Variants in GNAI1 observed in about 807,000 individuals in gnomAD.
GNAI1 encodes the protein G protein subunit alpha i1, also known as guanine nucleotide-binding protein G(i) subunit alpha-1.
In GNAI1, 11 loss-of-function variants were observed where a neutral mutation model predicts 38.9. The ratio of observed to expected loss-of-function variants is 0.28; its 90% CI spans 0.18 to 0.47. The LOEUF (loss-of-function observed/expected upper bound fraction) is 0.47. Ranked by LOEUF, GNAI1 falls within the 20% of genes least tolerant of loss-of-function variation. GNAI1 has a pLI of 0.99. For synonymous variants in GNAI1, 166 were observed against 145.1 expected (o/e 1.14, Z -1.04); for missense variants, 317 against 436.9 (o/e 0.73, Z 2.45).
chr7:80,216,538 G>C (rs546575702), intron 7 of GNAI1, among the ~76,000 whole-genome samples: 199 of 152,200 alleles, frequency 1.3e-3, no homozygotes, highest in Middle Eastern at 3.4e-3. Context: ...TTTGCATCTA[G>C]CTTCTTTTGC....
chr7:80,150,857 G>A (rs1787712319), intron 1 of GNAI1, among the ~76,000 whole-genome samples: 2 of 152,070 alleles, frequency 1.3e-5, no homozygotes, highest in South Asian at 4.1e-4. Context: ...ATCATCCGCC[G>A]TTTTTCCATT....
At chr7:80,208,641 A>T (rs1788819955) in intron 5 of GNAI1, among the ~76,000 whole-genome samples, 1 of 152,172 alleles carries the variant, frequency 6.6e-6, no homozygotes. Flanking sequence ...GACCATGACC[A>T]TTCTCCACCT....
intron 1 of GNAI1, among the ~76,000 whole-genome samples, chr7:80,145,629 C>T (rs1160548871): frequency 1.3e-5 from 2 of 152,072 alleles, no homozygotes; most frequent in Non-Finnish European, 2.9e-5. Context: ...TATTCTACTT[C>T]TTTATTTTCT....
intron 1 of GNAI1, chr7:80,135,693 C>A (rs1787401409): frequency 6.8e-6 from 2 of 293,106 alleles, no homozygotes; most frequent in Non-Finnish European, 9.6e-6. Context: ...AACCCTTCTT[C>A]GTGTGCGGTG....
In GNAI1 at chr7:80,222,771, G is replaced by A. The variant is rs567304250; in HGVS notation, c.*5278G>A. 1.3e-5 allele frequency among the ~76,000 whole-genome samples: 2 copies of A among 152,266 alleles called. No individual in the cohort carries two copies. The highest frequency in any genetic ancestry group is 1.9e-4 in the East Asian group (1 of 5,180). ...ACAGAGACTATTTTAGCAGATAAGA[G>A]TGCCACTTTTAGTAAAAGAAGTTGT... On this transcript the variant is annotated 3_prime_UTR_variant, in exon 8 of 8. Transcript: ENST00000649796.
At chr7:80,181,978 A>G (rs1322021917) in intron 1 of GNAI1, among the ~76,000 whole-genome samples, 1 of 152,112 alleles carries the variant, frequency 6.6e-6, no homozygotes. Flanking sequence ...GGATCTCTAC[A>G]ACTTATTCAT....
intron 1 of GNAI1, among the ~76,000 whole-genome samples, chr7:80,185,233 G>A (rs1274540836): frequency 6.6e-6 from 1 of 151,064 alleles, no homozygotes; most frequent in East Asian, 1.9e-4. Context: ...CTATAATTAA[G>A]CATTATTCAG....
intron 1 of GNAI1, among the ~76,000 whole-genome samples, chr7:80,166,246 T>C (rs553716205): frequency 2.5e-4 from 38 of 152,310 alleles, no homozygotes; most frequent in African/African-American, 9.1e-4. Flanking sequence ...TTCTTTGCAC[T>C]GGGGAATCTT....
chr7:80,169,684 A>G (rs1032555107), intron 1 of GNAI1, among the ~76,000 whole-genome samples: 1 of 152,188 alleles, frequency 6.6e-6, no homozygotes. Context: ...AGACAGTTTT[A>G]TTGAGATATA....
chr7:80,160,247 A>AAAAAC (rs1434619612), intron 1 of GNAI1, among the ~76,000 whole-genome samples: 1 of 152,020 alleles, frequency 6.6e-6, no homozygotes, highest in African/African-American at 2.4e-5. Flanking sequence ...TGTAGGTAAC[A>AAAAAC]AAAACAAAAC....
intron 1 of GNAI1, among the ~76,000 whole-genome samples, chr7:80,149,448 C>T (rs1434201376): frequency 6.6e-6 from 1 of 152,200 alleles, no homozygotes; most frequent in East Asian, 1.9e-4. Context: ...GTTTCTATCC[C>T]TACAGGAGGC....
chr7:80,179,818 G>A (rs1423429173), intron 1 of GNAI1, among the ~76,000 whole-genome samples: 1 of 152,138 alleles, frequency 6.6e-6, no homozygotes, highest in Non-Finnish European at 1.5e-5. Flanking sequence ...CACAAGAAGT[G>A]GGTTATGTTA....
intron 1 of GNAI1, among the ~76,000 whole-genome samples, chr7:80,179,037 T>G (rs1788246033): frequency 6.6e-6 from 1 of 152,216 alleles, no homozygotes; most frequent in South Asian, 2.1e-4. Flanking sequence ...CAGGAATAGA[T>G]ATGAGAATCC....
chr7:80,222,482 G>T lies in GNAI1; in HGVS notation c.*4989G>T, dbSNP rs970221243. On this transcript the variant is annotated 3_prime_UTR_variant, in exon 8 of 8. Coordinates refer to ENST00000649796, the MANE Select transcript of GNAI1 (RefSeq NM_002069.6). The stretch of plus-strand genomic sequence containing the variant: ...GGCTCACCGCAACATCCGCCTCCCG[G>T]GTACAAGCAATTCTCCTGCCTCAGG... Among the ~76,000 whole-genome samples, 2 of 150,056 alleles carry T rather than the reference G, an allele frequency of 1.3e-5. No individual in the cohort carries two copies. The highest frequency in any genetic ancestry group is 2.5e-5 in the African/African-American group (1 of 40,726).
At chr7:80,156,587 C>T (rs942274644) in intron 1 of GNAI1, among the ~76,000 whole-genome samples, 1 of 152,076 alleles carries the variant, frequency 6.6e-6, no homozygotes, top group African/African-American at 2.4e-5. Context: ...TGCCACCATT[C>T]CCAGCCAATT....
In GNAI1 at chr7:80,199,375, G is replaced by T. The variant is rs368834370; in HGVS notation, c.454G>T (p.Ala152Ser). The change falls in exon 4 of 8, where the codon GCA (alanine) becomes TCA (serine). Residue 152 changes from alanine to serine, a missense_variant. Around this residue, in one of 5 missense-constraint regions of GNAI1, gnomAD observed 158 missense variants for 234.7 expected, o/e 0.67. Coordinates refer to ENST00000649796, the MANE Select transcript of GNAI1 (RefSeq NM_002069.6). ...CCGAGAGTACCAGCTTAATGATTCT[G>T]CAGCATAGTAAGTAATCATAACTTC... ...RSREYQLNDS[A>S]AYYLNDLDRI... 2.5e-6 allele frequency: 4 copies of T among 1,597,772 alleles called. No individual in the cohort carries two copies. Among genetic ancestry groups the T allele is most frequent in the Non-Finnish European group, 2.6e-6 (3 of 1,170,360 alleles).
rs1554353980 is a variant in GNAI1, at chr7:80,219,027, T to TTTTGTG, written c.*1535_*1536insTTGTGT. 6.9e-6 allele frequency: 1 copy of TTTTGTG among 145,836 alleles called. No homozygotes were observed. The highest frequency in any genetic ancestry group is 1.5e-5 in the Non-Finnish European group (1 of 66,634). 9.0% of individuals were successfully genotyped at this position (145,836 alleles called of 1,614,324 possible). A position where few individuals can be genotyped will look rare whatever the true frequency, so the allele number is the denominator to read the frequency against. ...GTGTTGTCACTGGGTTGAAGTATAT[T>TTTTGTG]TGTGTGTGTGTGTGTGTGTGTGTGT... On this transcript the variant is annotated 3_prime_UTR_variant, in exon 8 of 8. Transcript: ENST00000649796.
At chr7:80,158,179 C>G (rs1255394899) in intron 1 of GNAI1, among the ~76,000 whole-genome samples, 1 of 152,162 alleles carries the variant, frequency 6.6e-6, no homozygotes, top group Admixed American at 6.5e-5. Flanking sequence ...CAACTTTGTT[C>G]TTCTCCTTCA....
Position 80,217,222 on chromosome 7 carries a change from A to ATCTG in GNAI1, c.875-80_875-79insCTGT, listed in dbSNP as rs1276301463. ...ACTGTATGAAACTGACTTCAGTTTC[A>ATCTG]TATGTATGAAACTGAATTCAGTATT... On this transcript the variant is annotated intron_variant, in intron 7 of 7. Transcript: ENST00000649796. 103 of 904,624 alleles carry ATCTG rather than the reference A, an allele frequency of 1.1e-4. No individual in the cohort carries two copies. The African/African-American group carries it at 1.5e-3, about 13-fold the overall frequency. The allele number at this position is 904,624 out of a possible 1,614,324, so 56.0% of individuals were successfully genotyped here. A position where few individuals can be genotyped will look rare whatever the true frequency, so the allele number is the denominator to read the frequency against.
Sources: gnomAD v4.1 joint callset for allele counts (sites outside exome capture counted in the v4.1 genomes callset) on GRCh38, gnomAD v4.1.1 for gene constraint, gnomAD v4.1.1 regional missense constraint, MANE v1.5 for transcripts, NCBI Gene and HGNC (gene_info 2026-07-23, HGNC 2026-07-21) for gene names.